The following AAK1 variants were observed in gnomAD, a reference collection of about 807,000 sequenced individuals.
AAK1 encodes the protein AP2 associated kinase 1.
AAK1 carries 37 observed loss-of-function variants against 116.0 expected under a neutral mutation model. The ratio of observed to expected loss-of-function variants is 0.32; its 90% CI spans 0.25 to 0.42. AAK1 has a LOEUF of 0.42. AAK1 is among the 10% of genes least tolerant of loss of function. The pLI, the probability that AAK1 is intolerant of heterozygous loss-of-function variation, is 1.00. For synonymous variants in AAK1, 458 were observed against 439.9 expected, an observed-to-expected ratio of 1.04 and a Z score of -0.51; for missense variants, 919 against 1,170.6, an observed-to-expected ratio of 0.79 and a Z score of 3.14.
chr2:69,589,310 G>A (rs1450594462), intron 2 of AAK1, among the ~76,000 whole-genome samples: 5 of 151,448 alleles, frequency 3.3e-5, no homozygotes, highest in African/African-American at 4.9e-5. Flanking sequence ...GCCGGGTAGC[G>A]GTCAAGCAAC....
intron 16 of AAK1, among the ~76,000 whole-genome samples, chr2:69,503,795 A>G (rs1363492555): frequency 3.3e-5 from 5 of 152,144 alleles, no homozygotes; most frequent in Admixed American, 3.3e-4. Flanking sequence ...TGCTGGGATT[A>G]CAGGTGTAAG....
At chr2:69,621,114 G>A (rs78758283) in intron 2 of AAK1, among the ~76,000 whole-genome samples, 1,583 of 152,268 alleles carry the variant, frequency 0.01, 21 homozygotes, top group African/African-American at 0.034. Flanking sequence ...GAGGAAGCAC[G>A]GTGTTAGGTG....
intron 2 of AAK1, among the ~76,000 whole-genome samples, chr2:69,620,144 C>T (rs193186985): frequency 6.6e-6 from 1 of 152,258 alleles, no homozygotes; most frequent in East Asian, 1.9e-4. Context: ...GAGACAGCAA[C>T]GAAGGCAGTA....
At chr2:69,636,907 C>T (rs568467626) in intron 2 of AAK1, among the ~76,000 whole-genome samples, 2 of 152,222 alleles carry the variant, frequency 1.3e-5, no homozygotes, top group South Asian at 4.2e-4. Flanking sequence ...ACCATGTTGG[C>T]CAGGCTGGTC....
intron 2 of AAK1, among the ~76,000 whole-genome samples, chr2:69,639,979 C>T (rs1461571672): frequency 6.7e-6 from 1 of 149,036 alleles, no homozygotes; most frequent in Admixed American, 6.9e-5. Flanking sequence ...ATTGCTGCAG[C>T]TCAACTAGCT....
intron 2 of AAK1, among the ~76,000 whole-genome samples, chr2:69,618,192 G>A (rs563756716): frequency 2.0e-5 from 3 of 150,736 alleles, no homozygotes; most frequent in African/African-American, 7.3e-5. Context: ...AAGACCCAAA[G>A]GAGAAAAAAG....
At chr2:69,590,536 C>A (rs1443957564) in intron 2 of AAK1, among the ~76,000 whole-genome samples, 1 of 152,264 alleles carries the variant, frequency 6.6e-6, no homozygotes, top group East Asian at 1.9e-4. Context: ...TCCCCACTAA[C>A]CTTGTACACA....
At chr2:69,589,632 C>T (rs1303484033) in intron 2 of AAK1, among the ~76,000 whole-genome samples, 1 of 151,162 alleles carries the variant, frequency 6.6e-6, no homozygotes, top group African/African-American at 2.4e-5. Context: ...TCTCTTGAAC[C>T]CGGGAGGCGG....
intron 5 of AAK1, among the ~76,000 whole-genome samples, chr2:69,540,650 C>T (rs1001658453): frequency 9.2e-5 from 14 of 152,246 alleles, no homozygotes; most frequent in African/African-American, 2.6e-4. Context: ...CACGTATTGC[C>T]GATGGACGTA....
At chr2:69,559,262 T>TCACACACA (rs375580392) in intron 2 of AAK1, among the ~76,000 whole-genome samples, 1,502 of 127,238 alleles carry the variant, frequency 0.012, 15 homozygotes, top group Non-Finnish European at 0.019. Context: ...TCTCTCTCTC[T>TCACACACA]CACACACACA....
chr2:69,577,371 C>T (rs1672355690), intron 2 of AAK1, among the ~76,000 whole-genome samples: 1 of 152,202 alleles, frequency 6.6e-6, no homozygotes, highest in South Asian at 2.1e-4. Context: ...ATTCACCTGA[C>T]TTTCCACTGT....
chr2:69,506,764 C>T (rs1676200390), intron 15 of AAK1, among the ~76,000 whole-genome samples: 1 of 152,080 alleles, frequency 6.6e-6, no homozygotes, highest in South Asian at 2.1e-4. Context: ...TTATCCTGCG[C>T]CCTTATCTAC....
chr2:69,590,006 G>C (rs1672960481), intron 2 of AAK1, among the ~76,000 whole-genome samples: 1 of 152,106 alleles, frequency 6.6e-6, no homozygotes, highest in Non-Finnish European at 1.5e-5. Context: ...AGCTCTGCCA[G>C]GCCAGGGAAT....
chr2:69,567,670 G>T (rs1204787529), intron 2 of AAK1, among the ~76,000 whole-genome samples: 1 of 152,122 alleles, frequency 6.6e-6, no homozygotes, highest in Non-Finnish European at 1.5e-5. Flanking sequence ...TATATTAAGA[G>T]AACATCCTCT....
intron 2 of AAK1, among the ~76,000 whole-genome samples, chr2:69,641,488 G>A (rs1024467737): frequency 2.0e-5 from 3 of 152,200 alleles, no homozygotes; most frequent in South Asian, 4.1e-4. Context: ...CAGATAAAGC[G>A]CAGCTAGAAC....
intron 2 of AAK1, chr2:69,598,222 G>T: frequency 1.6e-6 from 1 of 618,978 alleles, no homozygotes; most frequent in Non-Finnish European, 2.4e-6. Flanking sequence ...ATTTAGTAAA[G>T]TATCTTTTAA....
intron 17 of AAK1, among the ~76,000 whole-genome samples, chr2:69,489,191 C>T (rs56006338): frequency 0.044 from 6,720 of 151,512 alleles, 454 homozygotes; most frequent in African/African-American, 0.15. Flanking sequence ...GGGCTCACCC[C>T]TGTAATCCCA....
At chr2:69,566,200 G>C (rs1671859454) in intron 2 of AAK1, among the ~76,000 whole-genome samples, 1 of 152,148 alleles carries the variant, frequency 6.6e-6, no homozygotes, top group African/African-American at 2.4e-5. Flanking sequence ...AGACAACTTT[G>C]CCAAAAGCTT....
rs1345969522 is a variant in AAK1, at chr2:69,556,956, C to T, written c.186G>A (p.Leu62=). 6.2e-7 allele frequency: 1 copy of T among 1,613,666 alleles called. No individual in the cohort carries two copies. Among genetic ancestry groups the T allele is most frequent in the Non-Finnish European group, 8.5e-7 (1 of 1,179,624 alleles). ...ATTTCATCCCATTGCTTGTCCTCAC[C>T]AGAAATACAATAGCAAATCCACCTG... ...LAEGGFAIVF[L]VRTSNGMKCA... The change falls in exon 3 of 22, where the codon CTG becomes CTA. Residue 62 remains leucine (L), a synonymous_variant. Transcript: ENST00000409085.
Sources: allele counts gnomAD v4.1 joint callset (sites outside exome capture counted in the v4.1 genomes callset), GRCh38; gene constraint gnomAD v4.1.1; transcripts MANE v1.5; gene names NCBI Gene and HGNC (gene_info 2026-07-23, HGNC 2026-07-21).